The following DHDDS variants were observed in gnomAD, a reference collection of about 807,000 sequenced individuals.
DHDDS encodes dehydrodolichyl diphosphate synthase complex subunit DHDDS.
A neutral mutation model predicts 46.2 loss-of-function variants in DHDDS; 16 were observed. That is an observed-to-expected ratio of 0.35 (90% CI 0.23 to 0.53). DHDDS has a LOEUF of 0.53. Ranked by LOEUF, DHDDS falls within the 20% of genes least tolerant of loss-of-function variation. The pLI, the probability that DHDDS is intolerant of heterozygous loss-of-function variation, is 0.94. For synonymous variants in DHDDS, 151 were observed against 163.1 expected, an observed-to-expected ratio of 0.93 and a Z score of 0.56; for missense variants, 340 against 423.7, an observed-to-expected ratio of 0.80 and a Z score of 1.73.
rs1206930825 is a variant in DHDDS at position 26,470,070 on chromosome 1, G to A, written c.*939G>A. The A allele has an allele frequency of 6.6e-6, 1 of 152,218 alleles. No individual in the cohort carries two copies. Among genetic ancestry groups the A allele is most frequent in the African/African-American group, 2.4e-5 (1 of 41,426 alleles). The allele number at this position is 152,218 out of a possible 1,614,324, so 9.4% of individuals were successfully genotyped here. A position where few individuals can be genotyped will look rare whatever the true frequency, so the allele number is the denominator to read the frequency against. Reference sequence around the variant, plus strand: ...TCAGCTTTTTGACCTGGCTCCCTAAGTAGGCCCTAGATGATTTATTCTTGG... The same window carrying A: ...TCAGCTTTTTGACCTGGCTCCCTAAATAGGCCCTAGATGATTTATTCTTGG... On this transcript the variant is annotated 3_prime_UTR_variant, in exon 9 of 9. Coordinates refer to ENST00000236342, the MANE Select transcript of DHDDS (RefSeq NM_205861.3).
intron 7 of DHDDS, among the ~76,000 whole-genome samples, chr1:26,458,550 C>T (rs2075392464): frequency 6.6e-6 from 1 of 152,004 alleles, no homozygotes; most frequent in East Asian, 1.9e-4. Context: ...CCAGTCCAGC[C>T]AACATGGTGA....
At chr1:26,457,655 G>A (rs988871398) in intron 6 of DHDDS, 136 bp from the exon 7 acceptor site, 3 of 692,844 alleles carry the variant, frequency 4.3e-6, no homozygotes, top group Non-Finnish European at 7.8e-6. Context: ...AGGGCCTTCT[G>A]TGTAGTATTG....
intron 6 of DHDDS, 56 bp downstream of exon 6, chr1:26,447,716 T>C (rs779041144): frequency 2.0e-6 from 3 of 1,502,208 alleles, no homozygotes; most frequent in East Asian, 4.5e-5. Context: ...TGGGCCAGCA[T>C]GGCAGCTCAC....
In DHDDS at chr1:26,442,874, G is replaced by A; in HGVS notation, c.323+1G>A. ...AGTTCAGCCGCTTGATGGAAGAAAA[G>A]TAAGATGCTATCAGAGGGGAGAGCA... On this transcript the variant is annotated splice_donor_variant, in intron 4 of 8. Transcript: ENST00000236342. LOFTEE classifies it high-confidence loss of function. 2 of 1,614,102 alleles carry A rather than the reference G, an allele frequency of 1.2e-6. No homozygotes were observed. Among genetic ancestry groups the A allele is most frequent in the Non-Finnish European group, 1.7e-6 (2 of 1,180,018 alleles).
chr1:26,432,990 C>T lies in DHDDS; in HGVS notation c.45C>T (p.Phe15=), dbSNP rs1168720054. 27 of 1,614,094 alleles carry T rather than the reference C, an allele frequency of 1.7e-5. No individual in the cohort carries two copies. The highest frequency in any genetic ancestry group is 2.2e-5 in the Non-Finnish European group (26 of 1,180,048). ...KEGELSLWER[F]CANIIKAGPM... Reference sequence around the variant, plus strand: ...GAGAGCTGTCACTTTGGGAGCGGTTCTGTGCCAACATCATAAAGGTGAGCA... The same window carrying T: ...GAGAGCTGTCACTTTGGGAGCGGTTTTGTGCCAACATCATAAAGGTGAGCA... The change falls in exon 2 of 9, where the codon TTC becomes TTT. Residue 15 remains phenylalanine (F), a synonymous_variant. Transcript: ENST00000236342.
chr1:26,468,812 C>CCCCCCCCCAACCACCA, intron 8 of DHDDS, 83 bp from the exon 9 acceptor site: 5 of 601,110 alleles, frequency 8.3e-6, no homozygotes, highest in Non-Finnish European at 1.1e-5. Context: ...CCACCCTGTG[C>CCCCCCCCCAACCACCA]CCCACCCCCT....
chr1:26,467,229 C>A, intron 8 of DHDDS: 1 of 435,884 alleles, frequency 2.3e-6, no homozygotes, highest in African/African-American at 2.0e-5. Flanking sequence ...AGCCTGTAAG[C>A]ACCTGGATTG....
chr1:26,451,588 CA>C (rs1423535820), intron 6 of DHDDS, among the ~76,000 whole-genome samples: 2 of 150,378 alleles, frequency 1.3e-5, no homozygotes, highest in Non-Finnish European at 3.0e-5. Flanking sequence ...CCTGAGTAGC[CA>C]GGATTATAGG....
intron 5 of DHDDS, among the ~76,000 whole-genome samples, chr1:26,446,724 G>A (rs1409032237): frequency 6.6e-6 from 1 of 151,990 alleles, no homozygotes; most frequent in African/African-American, 2.4e-5. Flanking sequence ...GTTTTTACTT[G>A]ACAGGGAATG....
At chr1:26,454,851 C>A in intron 6 of DHDDS, 1 of 1,586,256 alleles carries the variant, frequency 6.3e-7, no homozygotes, top group Non-Finnish European at 8.6e-7. Flanking sequence ...TGCTCAATGA[C>A]CAGAGAATCT....
intron 3 of DHDDS, among the ~76,000 whole-genome samples, chr1:26,439,602 G>A (rs1257041383): frequency 1.3e-5 from 2 of 151,910 alleles, no homozygotes; most frequent in Non-Finnish European, 2.9e-5. Context: ...TACTCTTTTT[G>A]GATAAATTCT....
intron 2 of DHDDS, among the ~76,000 whole-genome samples, chr1:26,434,395 T>A (rs1363220366): frequency 6.6e-6 from 1 of 152,144 alleles, no homozygotes; most frequent in Non-Finnish European, 1.5e-5. Context: ...TGCCAAGTGA[T>A]CTCAAGCAGT....
chr1:26,445,242 T>C (rs930090072), intron 4 of DHDDS, among the ~76,000 whole-genome samples: 2 of 152,174 alleles, frequency 1.3e-5, no homozygotes, highest in Non-Finnish European at 2.9e-5. Flanking sequence ...TTAGTAAACA[T>C]AGAATGTTAG....
At chr1:26,449,784 CCCCACCTCAGGTAATCCG>C (rs71775877) in intron 6 of DHDDS, among the ~76,000 whole-genome samples, 46,961 of 151,930 alleles carry the variant, frequency 0.31, 8,567 homozygotes, top group East Asian at 0.72. Context: ...GTCTCAAACT[CCCCACCTCAGGTAATCCG>C]CCCACCTCGG....
chr1:26,461,062 C>G (rs993668256), intron 8 of DHDDS, among the ~76,000 whole-genome samples: 1 of 152,090 alleles, frequency 6.6e-6, no homozygotes, highest in African/African-American at 2.4e-5. Context: ...TCAGTAGAGA[C>G]AGTGTTTCAC....
At chr1:26,450,770 T>A (rs1191609649) in intron 6 of DHDDS, among the ~76,000 whole-genome samples, 1 of 152,170 alleles carries the variant, frequency 6.6e-6, no homozygotes, top group East Asian at 1.9e-4. Context: ...GGCAGGAAGA[T>A]GAGACAGAAA....
chr1:26,445,735 A>G (rs2075261563), intron 4 of DHDDS, among the ~76,000 whole-genome samples: 1 of 146,844 alleles, frequency 6.8e-6, no homozygotes, highest in Admixed American at 6.8e-5. Flanking sequence ...AAAAAAATGT[A>G]GTTTGGGGCT....
At chr1:26,434,011 G>A (rs1285650855) in intron 2 of DHDDS, among the ~76,000 whole-genome samples, 2 of 152,156 alleles carry the variant, frequency 1.3e-5, no homozygotes, top group African/African-American at 2.4e-5. Context: ...TGGGATTATA[G>A]GACTGAGCCA....
chr1:26,441,060 G>A (rs2075214081), intron 3 of DHDDS, among the ~76,000 whole-genome samples: 1 of 152,028 alleles, frequency 6.6e-6, no homozygotes, highest in Non-Finnish European at 1.5e-5. Flanking sequence ...GAGTAACTGG[G>A]ATTACAGGCC....
Sources: gnomAD v4.1 joint callset for allele counts (sites outside exome capture counted in the v4.1 genomes callset) on GRCh38, gnomAD v4.1.1 for gene constraint, MANE v1.5 for transcripts, NCBI Gene and HGNC (gene_info 2026-07-23, HGNC 2026-07-21) for gene names.